Variants in EYA3 observed in about 807,000 individuals in gnomAD.
The protein encoded by EYA3 is protein phosphatase EYA3.
Under a neutral mutation model 80.0 loss-of-function variants are expected in EYA3, and 39 were observed. The ratio of observed to expected loss-of-function variants is 0.49; its 90% CI spans 0.38 to 0.64. The LOEUF (loss-of-function observed/expected upper bound fraction) is 0.64, where lower values mean the gene tolerates loss of function less well. Ranked by LOEUF, EYA3 falls within the 30% of genes least tolerant of loss-of-function variation. The pLI is 0.00. For missense variants in EYA3, 523 were observed against 676.1 expected, an observed-to-expected ratio of 0.77 and a Z score of 2.51; for synonymous variants, 206 against 232.8, an observed-to-expected ratio of 0.88 and a Z score of 1.05.
At chr1:28,028,157 A>G (rs913300683) in intron 6 of EYA3, among the ~76,000 whole-genome samples, 4 of 152,236 alleles carry the variant, frequency 2.6e-5, no homozygotes, top group East Asian at 1.9e-4. Context: ...ACAAATCCCA[A>G]TATGTATATA....
intron 2 of EYA3, among the ~76,000 whole-genome samples, chr1:28,050,388 G>A (rs1644201973): frequency 6.6e-6 from 1 of 151,736 alleles, no homozygotes; most frequent in South Asian, 2.1e-4. Context: ...TTTTAGGAGA[G>A]ACCGGGTTTC....
At chr1:28,014,379 C>T (rs540769123) in intron 8 of EYA3, among the ~76,000 whole-genome samples, 1 of 136,352 alleles carries the variant, frequency 7.3e-6, no homozygotes, top group African/African-American at 2.8e-5. Flanking sequence ...TGAACCAAGA[C>T]TGCACCACTG....
At chr1:28,028,600 T>G (rs930983539) in intron 6 of EYA3, among the ~76,000 whole-genome samples, 1 of 150,344 alleles carries the variant, frequency 6.7e-6, no homozygotes, top group Non-Finnish European at 1.5e-5. Context: ...TTTTTTTAAA[T>G]AAGATAGGGT....
chr1:28,027,322 T>C (rs1043229656), intron 7 of EYA3, among the ~76,000 whole-genome samples: 1 of 152,202 alleles, frequency 6.6e-6, no homozygotes, highest in Non-Finnish European at 1.5e-5. Context: ...GAAATAAGAA[T>C]GAACTTCTTG....
In EYA3 at chr1:28,030,547, A is replaced by G. The variant is rs928755553; in HGVS notation, c.362-2621T>C. The stretch of plus-strand genomic sequence containing the variant: ...AATGATCCTCCTGCCTTGACCTCCC[A>G]AAGTGCTGGGATTATAGGTATGGGT... On this transcript the variant is annotated intron_variant, in intron 6 of 17. Coordinates refer to ENST00000373871, the MANE Select transcript of EYA3 (RefSeq NM_001990.4). Among the ~76,000 whole-genome samples, 47 of 152,176 alleles carry G rather than the reference A, an allele frequency of 3.1e-4. 1 individual carries two copies. The highest frequency in any genetic ancestry group is 9.7e-4 in the African/African-American group (40 of 41,440).
intron 3 of EYA3, among the ~76,000 whole-genome samples, chr1:28,044,040 T>C (rs1643912860): frequency 6.6e-6 from 1 of 152,138 alleles, no homozygotes; most frequent in African/African-American, 2.4e-5. Context: ...TTAAGAGAAA[T>C]TGAGAATGAT....
chr1:28,027,325 A>ACTT (rs1211875016), intron 7 of EYA3, among the ~76,000 whole-genome samples: 6 of 152,206 alleles, frequency 3.9e-5, no homozygotes, highest in Non-Finnish European at 7.3e-5. Flanking sequence ...ATAAGAATGA[A>ACTT]CTTCTTGAGC....
At chr1:27,993,809 T>C (rs1640237602) in intron 13 of EYA3, among the ~76,000 whole-genome samples, 1 of 152,196 alleles carries the variant, frequency 6.6e-6, no homozygotes. Flanking sequence ...CCAGCATTCC[T>C]TAGAGGTTGA....
At chr1:28,048,802 AT>A (rs1644130774) in intron 2 of EYA3, among the ~76,000 whole-genome samples, 1 of 152,204 alleles carries the variant, frequency 6.6e-6, no homozygotes, top group Admixed American at 6.5e-5. Context: ...CTACTCATTT[AT>A]TTAACAAAAA....
chr1:28,025,803 C>G (rs1404886067), intron 7 of EYA3, among the ~76,000 whole-genome samples: 1 of 152,114 alleles, frequency 6.6e-6, no homozygotes, highest in Non-Finnish European at 1.5e-5. Flanking sequence ...TCTTGTTGCT[C>G]AGGCTGGAGT....
At chr1:28,048,303 G>A (rs996058063) in intron 3 of EYA3, 80 bp downstream of exon 3, 6 of 879,364 alleles carry the variant, frequency 6.8e-6, no homozygotes, top group Non-Finnish European at 1.0e-5. Context: ...GGCAAAGCAT[G>A]CCCATACGCT....
At chr1:28,073,103 T>TTTTATATATATATATATATA (rs1447435853) in intron 1 of EYA3, among the ~76,000 whole-genome samples, 1 of 37,750 alleles carries the variant, frequency 2.6e-5, no homozygotes, top group African/African-American at 1.6e-4. Context: ...GATGAAACTA[T>TTTTATATATATATATATATA]TATATATATA....
Position 28,027,922 on chromosome 1 carries a change from T to C in EYA3, c.366A>G (p.Ala122=). The change falls in exon 7 of 18, where the codon GCA becomes GCG. Residue 122 remains alanine (A), a synonymous_variant. Coordinates refer to ENST00000373871, the MANE Select transcript of EYA3 (RefSeq NM_001990.4). ...TTTCAGGTTTCATACCTGGCCACAA[T>C]GCACCTGAATCAGATAAATTGGACC... ...TQTYGLPPFG[A]LWPGMKPESG... 6.2e-7 allele frequency: 1 copy of C among 1,614,096 alleles called. No individual in the cohort carries two copies. The highest frequency in any genetic ancestry group is 8.5e-7 in the Non-Finnish European group (1 of 1,179,984).
At chr1:28,073,940 GTTTT>G (rs1472439333) in intron 1 of EYA3, among the ~76,000 whole-genome samples, 1 of 152,104 alleles carries the variant, frequency 6.6e-6, no homozygotes, top group Non-Finnish European at 1.5e-5. Flanking sequence ...ACAGACCACA[GTTTT>G]TTTATGAGTA....
intron 16 of EYA3, among the ~76,000 whole-genome samples, chr1:27,987,824 C>T (rs1158382792): frequency 6.6e-6 from 1 of 152,190 alleles, no homozygotes; most frequent in Non-Finnish European, 1.5e-5. Flanking sequence ...GTAGCTGGGA[C>T]TACAGGCGCC....
At chr1:28,049,851 T>A (rs1644172757) in intron 2 of EYA3, among the ~76,000 whole-genome samples, 1 of 152,210 alleles carries the variant, frequency 6.6e-6, no homozygotes, top group Admixed American at 6.5e-5. Context: ...TGTTCTGCCC[T>A]TCCTACCTAA....
intron 5 of EYA3, among the ~76,000 whole-genome samples, chr1:28,036,399 C>T (rs565443088): frequency 6.6e-6 from 1 of 152,286 alleles, no homozygotes; most frequent in South Asian, 2.1e-4. Flanking sequence ...CTCCACCCTG[C>T]CCCTTGAACC....
chr1:28,022,843 A>G (rs1048971955), intron 7 of EYA3, among the ~76,000 whole-genome samples: 4 of 152,096 alleles, frequency 2.6e-5, no homozygotes, highest in African/African-American at 9.7e-5. Flanking sequence ...AGCCTCCCCA[A>G]GTAGCTGGGA....
intron 5 of EYA3, among the ~76,000 whole-genome samples, chr1:28,036,651 C>T (rs970954935): frequency 7.2e-5 from 11 of 152,174 alleles, no homozygotes; most frequent in African/African-American, 2.2e-4. Context: ...TCAGGGATAG[C>T]TAGAGATTTC....
Sources: gnomAD v4.1 joint callset for allele counts (sites outside exome capture counted in the v4.1 genomes callset) on GRCh38, gnomAD v4.1.1 for gene constraint, MANE v1.5 for transcripts, NCBI Gene and HGNC (gene_info 2026-07-23, HGNC 2026-07-21) for gene names.